The following IQSEC1 variants were observed in gnomAD, a reference collection of about 807,000 sequenced individuals.
IQSEC1 encodes the protein IQ motif and Sec7 domain ArfGEF 1.
IQSEC1 carries 31 observed loss-of-function variants against 91.0 expected under a neutral mutation model. The observed-to-expected ratio is 0.34, with a 90% confidence interval of 0.26 to 0.46. The LOEUF (loss-of-function observed/expected upper bound fraction) is 0.46. Among genes scored for constraint, IQSEC1 ranks in the 20% least tolerant of loss-of-function variants. The pLI is 1.00. For synonymous variants in IQSEC1, 699 were observed against 662.6 expected, an observed-to-expected ratio of 1.05 and a Z score of -0.84; for missense variants, 1,388 against 1,575.6, an observed-to-expected ratio of 0.88 and a Z score of 2.02.
chr3:13,236,407 T>C (rs1034178163), intron 1 of IQSEC1, among the ~76,000 whole-genome samples: 1 of 152,238 alleles, frequency 6.6e-6, no homozygotes, highest in Admixed American at 6.5e-5. Flanking sequence ...GGCCATCTTT[T>C]CTGCGCATGT....
At chr3:13,168,179 A>C (rs1344448772) in intron 1 of IQSEC1, among the ~76,000 whole-genome samples, 2 of 152,230 alleles carry the variant, frequency 1.3e-5, no homozygotes, top group African/African-American at 4.8e-5. Context: ...AACTAGAAAG[A>C]GCAGATTCTG....
intron 2 of IQSEC1, among the ~76,000 whole-genome samples, chr3:13,159,680 G>T (rs990460985): frequency 1.3e-5 from 2 of 152,172 alleles, no homozygotes; most frequent in African/African-American, 4.8e-5. Flanking sequence ...GGGTGCGGGT[G>T]GTTGTGCAGA....
At chr3:13,064,207 A>C (rs1490510671) in intron 1 of IQSEC1, among the ~76,000 whole-genome samples, 1 of 152,136 alleles carries the variant, frequency 6.6e-6, no homozygotes, top group Non-Finnish European at 1.5e-5. Context: ...ACACGCATGC[A>C]CACACATACA....
chr3:13,158,805 T>C (rs768666198), intron 2 of IQSEC1, among the ~76,000 whole-genome samples: 10 of 151,922 alleles, frequency 6.6e-5, no homozygotes, highest in Non-Finnish European at 1.2e-4. Context: ...CTACTAAAAA[T>C]ACAAAAATTA....
intron 1 of IQSEC1, among the ~76,000 whole-genome samples, chr3:13,023,118 G>A (rs1703473552): frequency 6.6e-6 from 1 of 152,224 alleles, no homozygotes; most frequent in Non-Finnish European, 1.5e-5. Context: ...GGTGGAGGTG[G>A]GATTTGAACC....
chr3:13,011,360 T>C (rs1702875853), intron 1 of IQSEC1, among the ~76,000 whole-genome samples: 1 of 152,240 alleles, frequency 6.6e-6, no homozygotes. Flanking sequence ...GGGATAATCA[T>C]CACTGACACT....
At chr3:13,217,418 G>C (rs1340578219) in intron 1 of IQSEC1, among the ~76,000 whole-genome samples, 1 of 152,198 alleles carries the variant, frequency 6.6e-6, no homozygotes, top group Non-Finnish European at 1.5e-5. Flanking sequence ...GACATAGGGT[G>C]CACCAGCAGA....
At chr3:13,156,723 G>A (rs570636901) in intron 2 of IQSEC1, among the ~76,000 whole-genome samples, 41 of 152,370 alleles carry the variant, frequency 2.7e-4, no homozygotes, top group African/African-American at 9.4e-4. Flanking sequence ...ACTGGCTGAT[G>A]TGCAGAGATT....
intron 1 of IQSEC1, among the ~76,000 whole-genome samples, chr3:13,275,102 T>C (rs1013303403): frequency 6.6e-6 from 1 of 152,206 alleles, no homozygotes; most frequent in African/African-American, 2.4e-5. Flanking sequence ...GCCTCAGGTT[T>C]CATATATGCG....
rs1217520850 is a variant in IQSEC1, at chr3:13,282,971, G to C, written c.12C>G (p.Ala4=). Residue 4 remains alanine (A), a synonymous_variant, in exon 1 of 16, where the codon GCC becomes GCG. Coordinates refer to the IQSEC1 transcript ENST00000648114. The surrounding 1 kb of genome is among the most constrained non-coding windows in gnomAD (Gnocchi z 6.4). ...CGGCCGCCTGGCCGGGGGGCTCGGC[G>C]GCGCTGGCCATGGCCCCCCGCCCGG... is the stretch of plus-strand genomic sequence containing the variant. Among the ~76,000 whole-genome samples the C allele has an allele frequency of 6.8e-6, 1 of 146,326 alleles. No homozygotes were observed. Among genetic ancestry groups the C allele is most frequent in the Non-Finnish European group, 1.5e-5 (1 of 65,792 alleles).
chr3:13,184,417 G>A (rs754329792), intron 1 of IQSEC1, among the ~76,000 whole-genome samples: 21 of 152,194 alleles, frequency 1.4e-4, no homozygotes, highest in Non-Finnish European at 3.1e-4. Flanking sequence ...ACTGATTCAT[G>A]ATGAGAATTC....
chr3:13,113,629 G>A (rs1706287799), intron 2 of IQSEC1, among the ~76,000 whole-genome samples: 2 of 152,292 alleles, frequency 1.3e-5, no homozygotes, highest in South Asian at 2.1e-4. Flanking sequence ...GAGGAGAAGT[G>A]CATGCGGCGG....
chr3:13,090,940 G>A (rs368860563), intron 2 of IQSEC1, among the ~76,000 whole-genome samples: 14 of 152,302 alleles, frequency 9.2e-5, no homozygotes, highest in South Asian at 2.1e-4. Flanking sequence ...AACCCCAGCC[G>A]CGGGGACAGC....
chr3:12,921,945 T>A (rs2252275), intron 5 of IQSEC1, among the ~76,000 whole-genome samples, 175 bp downstream of exon 5: 122,477 of 152,180 alleles, frequency 0.8, 49,987 homozygotes, highest in African/African-American at 0.91. Context: ...AAGGAGCCCG[T>A]CACAGTGCCT....
chr3:13,084,764 T>C (rs1705706938), intron 2 of IQSEC1, among the ~76,000 whole-genome samples: 1 of 152,174 alleles, frequency 6.6e-6, no homozygotes, highest in Non-Finnish European at 1.5e-5. Context: ...CCAGGATCAT[T>C]GGCCGTAGTA....
chr3:12,924,509 C>G lies in IQSEC1; in HGVS notation c.1730+72G>C, dbSNP rs1292003446. On this transcript the variant is annotated intron_variant, in intron 4 of 13. Transcript: ENST00000613206. This position sits in a 1 kb window ranked among gnomAD's most constrained non-coding sequence, Gnocchi z 6.3. ...TAGGGTGGGCCTGGCCCTGTGTGTG[C>G]CCACGGGTAACACAGGGTGCGTGAG... The G allele has an allele frequency of 1.4e-5, 20 of 1,469,452 alleles. No homozygotes were observed. The highest frequency in any genetic ancestry group is 1.7e-5 in the Non-Finnish European group (19 of 1,090,996). The allele number at this position is 1,469,452 out of a possible 1,614,324, so 91.0% of individuals were successfully genotyped here.
At chr3:12,991,691 C>T (rs1358326044) in intron 1 of IQSEC1, among the ~76,000 whole-genome samples, 1 of 152,236 alleles carries the variant, frequency 6.6e-6, no homozygotes, top group Non-Finnish European at 1.5e-5. Context: ...TGGCTGTATT[C>T]TTGGCTGGGG....
chr3:12,976,689 A>G (rs561512259), intron 1 of IQSEC1, among the ~76,000 whole-genome samples: 6 of 152,282 alleles, frequency 3.9e-5, no homozygotes, highest in Non-Finnish European at 7.4e-5. Flanking sequence ...TCACTTATGT[A>G]CTCACTGTCA....
chr3:13,277,552 A>G (rs1460329393), intron 1 of IQSEC1, among the ~76,000 whole-genome samples: 1 of 152,138 alleles, frequency 6.6e-6, no homozygotes, highest in East Asian at 1.9e-4. Context: ...GGACTCTACC[A>G]TCTGCTGGAA....
Sources: allele counts gnomAD v4.1 joint callset (sites outside exome capture counted in the v4.1 genomes callset), GRCh38; gene constraint gnomAD v4.1.1; non-coding constraint Gnocchi (gnomAD v3.1); transcripts MANE v1.5; gene names NCBI Gene and HGNC (gene_info 2026-07-23, HGNC 2026-07-21).